The following CABP4 variants were observed in gnomAD, a reference collection of about 807,000 sequenced individuals.
The protein encoded by CABP4 is calcium binding protein 4, also known as calcium-binding protein 4.
Under a neutral mutation model 30.7 loss-of-function variants are expected in CABP4, and 30 were observed. That is an observed-to-expected ratio of 0.98 (90% confidence interval 0.73 to 1.33). The LOEUF (loss-of-function observed/expected upper bound fraction) is 1.33. Among genes scored for constraint, CABP4 ranks in the 40% most tolerant of loss-of-function variants. The pLI, the probability that CABP4 is intolerant of heterozygous loss-of-function variation, is 0.00. For synonymous variants in CABP4, 161 were observed against 159.2 expected, an observed-to-expected ratio of 1.01 and a Z score of -0.08; for missense variants, 424 against 395.5, an observed-to-expected ratio of 1.07 and a Z score of -0.61.
At chr11:67,457,250 C>T (rs1449125806) in intron 3 of CABP4, among the ~76,000 whole-genome samples, 1 of 152,132 alleles carries the variant, frequency 6.6e-6, no homozygotes, top group Non-Finnish European at 1.5e-5. Flanking sequence ...TCACCCTGCT[C>T]CTAGGATGAG....
At chr11:67,455,289 C>T, upstream of CABP4, 2 of 1,279,680 alleles carry the variant, frequency 1.6e-6, no homozygotes, top group Non-Finnish European at 2.1e-6. Context: ...GCCTGCCTCA[C>T]TTACCCTAAT....
chr11:67,453,556 C>CT (rs1315189145), upstream of CABP4: 1 of 151,912 alleles, frequency 6.6e-6, no homozygotes, highest in East Asian at 1.9e-4. Context: ...TGCCTGTAAT[C>CT]CCAGCTACTC....
At chr11:67,453,886 G>C (rs911902662), upstream of CABP4, among the ~76,000 whole-genome samples, 3 of 152,052 alleles carry the variant, frequency 2.0e-5, no homozygotes, top group Non-Finnish European at 2.9e-5. Context: ...GGGCCCAGGG[G>C]ACCCGAAGGT....
intron 3 of CABP4, among the ~76,000 whole-genome samples, chr11:67,456,724 C>T (rs76465109): frequency 6.6e-6 from 1 of 152,250 alleles, no homozygotes; most frequent in Non-Finnish European, 1.5e-5. Context: ...GCTCCTTTCA[C>T]CCGAGCCCTT....
intron 4 of CABP4, among the ~76,000 whole-genome samples, chr11:67,458,100 A>G (rs1864885511): frequency 6.6e-6 from 1 of 152,106 alleles, no homozygotes; most frequent in African/African-American, 2.4e-5. Context: ...CTCTATTAAA[A>G]ATACAAAAAT....
At position 67,456,312 on chromosome 11, in the gene CABP4, C is replaced by T. The variant is rs1283341710; in HGVS notation, c.411C>T (p.Ala137=). 6.2e-7 allele frequency: 1 copy of T among 1,613,912 alleles called. No individual in the cohort carries two copies. Among genetic ancestry groups the T allele is most frequent in the East Asian group, 2.2e-5 (1 of 44,884 alleles). ...CCTCCTCCACAGAGCTTCAGGCCGC[C>T]TTCGAGGAGTTTGACACTGACCGTG... is the stretch of plus-strand genomic sequence containing the variant. The part of the protein sequence containing the change: ...GPEELDELQA[A]FEEFDTDRDG... The change falls in exon 3 of 6, where the codon GCC becomes GCT. Residue 137 remains alanine (A), a synonymous_variant. Transcript: ENST00000325656.
chr11:67,453,871 C>T (rs181251305), upstream of CABP4, among the ~76,000 whole-genome samples: 1 of 152,168 alleles, frequency 6.6e-6, no homozygotes, highest in East Asian at 1.9e-4. Context: ...GGCTCTGGTT[C>T]CCATGGGCCC....
chr11:67,455,633 C>T lies in CABP4; in HGVS notation c.210C>T (p.Ser70=), dbSNP rs1270883164. The T allele has an allele frequency of 6.2e-7, 1 of 1,609,718 alleles. No homozygotes were observed. Among genetic ancestry groups the T allele is most frequent in the South Asian group, 1.1e-5 (1 of 90,462 alleles). Residue 70 remains serine (S), a synonymous_variant, in exon 1 of 6, where the codon AGC becomes AGT. Coordinates refer to ENST00000325656, the MANE Select transcript of CABP4 (RefSeq NM_145200.5). The part of the protein sequence containing the change: ...EQTGPEAPGS[S]NNPPSTGEGP... ...CAGGCCCCGAGGCCCCGGGGAGCAGCAATAACCCTCCCAGCACTGGAGAGG... is the reference window on the plus strand; with the variant it reads ...CAGGCCCCGAGGCCCCGGGGAGCAGTAATAACCCTCCCAGCACTGGAGAGG...
chr11:67,456,807 T>C (rs1625032), intron 3 of CABP4, among the ~76,000 whole-genome samples: 21,134 of 152,240 alleles, frequency 0.14, 4,891 homozygotes, highest in African/African-American at 0.48. Flanking sequence ...ACCTGGCACC[T>C]TCTCTCTTTC....
At chr11:67,457,514 C>T (rs1178637362) in intron 3 of CABP4, 59 bp from the exon 4 acceptor site, 2 of 1,439,620 alleles carry the variant, frequency 1.4e-6, no homozygotes, top group Admixed American at 2.0e-5. Context: ...GTGGGATGTC[C>T]CTCCTTGGGC....
intron 4 of CABP4, 95 bp downstream of exon 4, chr11:67,457,777 C>G (rs1160375815): frequency 5.1e-5 from 53 of 1,034,980 alleles, no homozygotes; most frequent in Non-Finnish European, 1.4e-6. Flanking sequence ...AGGCCTAGAG[C>G]CCTGCAGGCG....
intron 3 of CABP4, among the ~76,000 whole-genome samples, chr11:67,457,264 G>C (rs1489828925): frequency 6.6e-6 from 1 of 152,194 alleles, no homozygotes; most frequent in African/African-American, 2.4e-5. Flanking sequence ...GGATGAGGAA[G>C]GGAGGGCAGT....
rs11601325 is a variant in CABP4 at position 67,459,535 on chromosome 11, G to A, written c.*876G>A. ...ATGTTCAGGGCCCAGAGTGGAAACAGCTGCCCTAAAGAGCCTGGAACTCCA... is the reference window on the plus strand; with the variant it reads ...ATGTTCAGGGCCCAGAGTGGAAACAACTGCCCTAAAGAGCCTGGAACTCCA... On this transcript the variant is annotated 3_prime_UTR_variant, in exon 6 of 6. Coordinates refer to ENST00000325656, the MANE Select transcript of CABP4 (RefSeq NM_145200.5). 0.33 allele frequency: 50,423 copies of A among 152,168 alleles called. 9,095 individuals carry two copies. Among genetic ancestry groups the A allele is most frequent in the Admixed American group, 0.41 (6,338 of 15,288 alleles). The allele number at this position is 152,168 out of a possible 1,614,324, so 9.4% of individuals were successfully genotyped here. A position where few individuals can be genotyped will look rare whatever the true frequency, so the allele number is the denominator to read the frequency against.
intron 4 of CABP4, 28 bp downstream of exon 4, chr11:67,457,710 G>T: frequency 1.3e-6 from 2 of 1,538,974 alleles, no homozygotes; most frequent in Non-Finnish European, 1.8e-6. Flanking sequence ...GTGGGCAGAG[G>T]GGGGCAGGGC....
chr11:67,454,221 G>A (rs768442285), upstream of CABP4, among the ~76,000 whole-genome samples: 14 of 152,146 alleles, frequency 9.2e-5, no homozygotes, highest in East Asian at 5.8e-4. Flanking sequence ...GCCCCACCTC[G>A]CCCTTCCCCG....
upstream of CABP4, chr11:67,452,610 G>A: frequency 3.1e-6 from 5 of 1,613,380 alleles, no homozygotes; most frequent in Non-Finnish European, 4.2e-6. Flanking sequence ...AGGAGCAGCA[G>A]GGCCACCAGG....
chr11:67,461,265 G>A lies in CABP4; in HGVS notation c.*2606G>A, dbSNP rs1010462766. Among the ~76,000 whole-genome samples, 2 of 152,208 alleles carry A rather than the reference G, an allele frequency of 1.3e-5. No homozygotes were observed. Among genetic ancestry groups the A allele is most frequent in the South Asian group, 4.1e-4 (2 of 4,832 alleles). On this transcript the variant is annotated 3_prime_UTR_variant, in exon 6 of 6. Coordinates refer to ENST00000325656, the MANE Select transcript of CABP4 (RefSeq NM_145200.5). ...ATCGTGCCACTGCACTCCAGCCTTG[G>A]TGACAGAGCAAGAGACCCTGTCTCA...
At chr11:67,458,271 A>G (rs1864892375) in intron 4 of CABP4, 100 bp from the exon 5 acceptor site, 2 of 990,832 alleles carry the variant, frequency 2.0e-6, no homozygotes, top group African/African-American at 3.9e-5. Flanking sequence ...AAATAAAATA[A>G]AAATAAATAA....
At chr11:67,452,808 G>C (rs180993428), upstream of CABP4, 10 of 1,100,496 alleles carry the variant, frequency 9.1e-6, 2 homozygotes, top group African/African-American at 1.3e-4. Flanking sequence ...TGGGAGAGAC[G>C]GTGCTGTGCA....
Sources: allele counts gnomAD v4.1 joint callset (sites outside exome capture counted in the v4.1 genomes callset), GRCh38; gene constraint gnomAD v4.1.1; transcripts MANE v1.5; gene names NCBI Gene and HGNC (gene_info 2026-07-23, HGNC 2026-07-21).